NUF2: variants seen among roughly 807,000 people sequenced by gnomAD.
NUF2 encodes kinetochore protein Nuf2.
A neutral mutation model predicts 61.8 loss-of-function variants in NUF2; 34 were observed. The ratio of observed to expected loss-of-function variants is 0.55; its 90% CI spans 0.42 to 0.73. NUF2 has a LOEUF of 0.73. NUF2 is among the 30% of genes least tolerant of loss of function. NUF2 has a pLI of 0.00. For synonymous variants in NUF2, 172 were observed against 181.6 expected, an observed-to-expected ratio of 0.95 and a Z score of 0.42; for missense variants, 445 against 539.1, an observed-to-expected ratio of 0.83 and a Z score of 1.73.
chr1:163,337,968 A>G, intron 6 of NUF2, 52 bp from the exon 7 acceptor site: 1 of 1,364,728 alleles, frequency 7.3e-7, no homozygotes, highest in Admixed American at 1.7e-5. Flanking sequence ...TTTTGGACAC[A>G]CTGATTGTGT....
chr1:163,324,807 A>G (rs936085395), intron 1 of NUF2, among the ~76,000 whole-genome samples: 15 of 152,198 alleles, frequency 9.9e-5, no homozygotes, highest in Admixed American at 1.3e-4. Flanking sequence ...ATGTGGTGTC[A>G]GAGTTCTTTA....
chr1:163,325,522 T>TC (rs1385773669), intron 1 of NUF2, among the ~76,000 whole-genome samples: 2 of 152,366 alleles, frequency 1.3e-5, no homozygotes, highest in Admixed American at 1.3e-4. Flanking sequence ...CAGTTTTTTT[T>TC]CTCTCTTCTA....
intron 2 of NUF2, among the ~76,000 whole-genome samples, chr1:163,327,077 A>G (rs1557946217): frequency 6.7e-6 from 1 of 149,962 alleles, no homozygotes; most frequent in African/African-American, 2.5e-5. Context: ...TATCTATGGC[A>G]GCAAACAAGG....
At chr1:163,348,751 G>T (rs1023126470) in intron 12 of NUF2, among the ~76,000 whole-genome samples, 194 bp from the exon 13 acceptor site, 3 of 152,140 alleles carry the variant, frequency 2.0e-5, no homozygotes, top group African/African-American at 7.2e-5. Context: ...TTGAGAGAAA[G>T]AGTTCACACT....
intron 6 of NUF2, among the ~76,000 whole-genome samples, chr1:163,337,624 CATCT>C (rs1377244945): frequency 2.0e-5 from 3 of 152,132 alleles, no homozygotes; most frequent in Admixed American, 1.3e-4. Context: ...ACACCTCAGA[CATCT>C]ATCACCTCTA....
At chr1:163,328,190 C>T in intron 3 of NUF2, 38 bp from the exon 4 acceptor site, 1 of 1,325,184 alleles carries the variant, frequency 7.5e-7, no homozygotes, top group African/African-American at 1.5e-5. Context: ...TTTGTCTAAT[C>T]AATGTGTAAT....
At chr1:163,347,303 C>T (rs1225220928) in intron 11 of NUF2, among the ~76,000 whole-genome samples, 1 of 152,204 alleles carries the variant, frequency 6.6e-6, no homozygotes, top group African/African-American at 2.4e-5. Flanking sequence ...TAAACAATTT[C>T]TTTTTTGAGA....
At chr1:163,328,819 A>G (rs769889511) in intron 4 of NUF2, 27 bp from the exon 5 acceptor site, 21 of 1,469,620 alleles carry the variant, frequency 1.4e-5, no homozygotes, top group East Asian at 4.5e-5. Context: ...ATACTTTTCA[A>G]TAGTCTTTTT....
Position 163,347,876 on chromosome 1 carries a change from A to G in NUF2, c.1062A>G (p.Thr354=). 1 of 1,610,506 alleles carries G rather than the reference A, an allele frequency of 6.2e-7. No homozygotes were observed. The highest frequency in any genetic ancestry group is 1.1e-5 in the South Asian group (1 of 89,928). Residue 354 remains threonine (T), a synonymous_variant, in exon 12 of 14, where the codon ACA becomes ACG. Coordinates refer to ENST00000271452, the MANE Select transcript of NUF2 (RefSeq NM_145697.3). ...TTGTGAAGAAGGAAAAACTTGCCAC[A>G]GCACAATTCAAAATAAATAAGAAGC... ...LMIVKKEKLA[T]AQFKINKKHE...
At chr1:163,332,463 C>T (rs757146269) in intron 5 of NUF2, among the ~76,000 whole-genome samples, 1 of 152,068 alleles carries the variant, frequency 6.6e-6, no homozygotes, top group South Asian at 2.1e-4. Context: ...CTTAAGATAA[C>T]ATACATTTAT....
In NUF2 at chr1:163,355,322, A is replaced by G; in HGVS notation, c.1261-13A>G. Reference sequence around the variant, plus strand: ...CATGGAATAATTATTATTCTGTTTCATTTTCTACTTAGGAAATATTTCTAA... The same window carrying G: ...CATGGAATAATTATTATTCTGTTTCGTTTTCTACTTAGGAAATATTTCTAA... On this transcript the variant is annotated splice_polypyrimidine_tract_variant and intron_variant, in intron 13 of 13. Coordinates refer to ENST00000271452, the MANE Select transcript of NUF2 (RefSeq NM_145697.3). The G allele has an allele frequency of 1.9e-6, 3 of 1,585,590 alleles. No homozygotes were observed. Among genetic ancestry groups the G allele is most frequent in the Non-Finnish European group, 2.6e-6 (3 of 1,165,378 alleles).
chr1:163,343,842 A>T lies in NUF2; in HGVS notation c.779A>T (p.Asp260Val). The change falls in exon 10 of 14, where the codon GAT (aspartate) becomes GTT (valine). Residue 260 changes from aspartate (D) to valine (V), a missense_variant. Coordinates refer to ENST00000271452, the MANE Select transcript of NUF2 (RefSeq NM_145697.3). ...AAGAATTATAAAGAAAAAATGAAAGATACGGTCCAGAAGCTTAAAAATGCC... is the reference window on the plus strand; with the variant it reads ...AAGAATTATAAAGAAAAAATGAAAGTTACGGTCCAGAAGCTTAAAAATGCC... ...KLKNYKEKMK[D>V]TVQKLKNARQ... 2.0e-6 allele frequency: 3 copies of T among 1,463,864 alleles called. No individual in the cohort carries two copies. Among genetic ancestry groups the T allele is most frequent in the Non-Finnish European group, 2.7e-6 (3 of 1,105,544 alleles). 90.7% of individuals were successfully genotyped at this position (1,463,864 alleles called of 1,614,324 possible).
At chr1:163,352,085 T>C (rs1651339775) in intron 13 of NUF2, among the ~76,000 whole-genome samples, 1 of 148,150 alleles carries the variant, frequency 6.7e-6, no homozygotes, top group Non-Finnish European at 1.5e-5. Context: ...CTTCATAAAT[T>C]TCTTTGTATT....
chr1:163,335,194 C>T (rs1246013794), intron 5 of NUF2, among the ~76,000 whole-genome samples: 3 of 151,980 alleles, frequency 2.0e-5, no homozygotes, highest in Non-Finnish European at 4.4e-5. Flanking sequence ...CCTTGTGATC[C>T]GCCCACCTCG....
chr1:163,335,571 TTTTG>T lies in NUF2; in HGVS notation c.338-1172_338-1169del, dbSNP rs974767304. ...TTTTAGGTGTTTGTTTTTGGTTTTT[TTTTG>T]TTTGTTTTTCTGTTCTTTCTTCCCT... On this transcript the variant is annotated intron_variant, in intron 5 of 13. Transcript: ENST00000271452. Among the ~76,000 whole-genome samples the T allele has an allele frequency of 3.9e-5, 6 of 152,258 alleles. No individual in the cohort carries two copies. The East Asian group carries it at 5.8e-4, about 15-fold the overall frequency.
intron 5 of NUF2, among the ~76,000 whole-genome samples, chr1:163,332,695 T>C (rs1316545719): frequency 6.6e-6 from 1 of 152,192 alleles, no homozygotes; most frequent in Non-Finnish European, 1.5e-5. Flanking sequence ...CACATTGCTT[T>C]CTATTTTCTG....
intron 11 of NUF2, 94 bp from the exon 12 acceptor site, chr1:163,347,669 G>T: frequency 1.1e-6 from 1 of 908,056 alleles, no homozygotes; most frequent in Non-Finnish European, 1.6e-6. Flanking sequence ...TTAAATTTGT[G>T]TTTAATTATA....
At chr1:163,337,987 A>G (rs1159434106) in intron 6 of NUF2, 33 bp from the exon 7 acceptor site, 1 of 1,514,768 alleles carries the variant, frequency 6.6e-7, no homozygotes, top group Admixed American at 1.7e-5. Flanking sequence ...GTTGAAATGC[A>G]CTAATATGAG....
In NUF2 at chr1:163,355,367, G is replaced by C. The variant is rs146451154; in HGVS notation, c.1293G>C (p.Glu431Asp). The C allele has an allele frequency of 9.3e-6, 15 of 1,604,506 alleles. No individual in the cohort carries two copies. In the African/African-American group the frequency reaches 2.0e-4, roughly 22 times the overall value. ...TTCTAAACTTGAAAACTGCTTTGGAGAAATACCACGACGGTATTGAAAAGG... is the reference window on the plus strand; with the variant it reads ...TTCTAAACTTGAAAACTGCTTTGGACAAATACCACGACGGTATTGAAAAGG... ...EIFLNLKTAL[E>D]KYHDGIEKAA... Residue 431 changes from glutamate (E) to aspartate (D), a missense_variant, in exon 14 of 14, where the codon GAG (glutamate) becomes GAC (aspartate). By Grantham distance (45) the Glu-to-Asp change is conservative. Transcript: ENST00000271452.
Sources: allele counts gnomAD v4.1 joint callset (sites outside exome capture counted in the v4.1 genomes callset), GRCh38; gene constraint gnomAD v4.1.1; transcripts MANE v1.5; gene names NCBI Gene and HGNC (gene_info 2026-07-23, HGNC 2026-07-21).